The following GSTM4 variants were observed in gnomAD, a reference collection of about 807,000 sequenced individuals.
GSTM4 encodes glutathione S-transferase mu 4.
GSTM4 carries 27 observed loss-of-function variants against 30.1 expected under a neutral mutation model. The observed-to-expected ratio is 0.90, with a 90% confidence interval of 0.66 to 1.24. The LOEUF (loss-of-function observed/expected upper bound fraction) is 1.24. GSTM4 is among the 50% of genes most tolerant of loss of function. The pLI, the probability that GSTM4 is intolerant of heterozygous loss-of-function variation, is 0.00. For missense variants in GSTM4, 238 were observed against 272.1 expected (o/e 0.87, Z 0.88); for synonymous variants, 94 against 96.2 (o/e 0.98, Z 0.13).
rs1425747297 is a variant in GSTM4 at position 109,657,622 on chromosome 1, C to T, written c.210C>T (p.Ile70=). Residue 70 remains isoleucine (I), a synonymous_variant, in exon 4 of 8, where the codon ATC becomes ATT. Transcript: ENST00000369836. ...LPYLIDGAHK[I]TQSNAILCYI... Reference sequence around the variant, plus strand: ...ACTTGATTGATGGGGCTCACAAGATCACCCAGAGCAACGCCATCCTGTGCT... The same window carrying T: ...ACTTGATTGATGGGGCTCACAAGATTACCCAGAGCAACGCCATCCTGTGCT... 9.9e-6 allele frequency: 16 copies of T among 1,614,138 alleles called. No individual in the cohort carries two copies. The highest frequency in any genetic ancestry group is 1.4e-5 in the Non-Finnish European group (16 of 1,180,056).
chr1:109,661,508 C>A lies in GSTM4; in HGVS notation c.*254C>A. On this transcript the variant is annotated 3_prime_UTR_variant, in exon 8 of 8. Transcript: ENST00000369836. ...CCTCCCAACACTACCCTTCCCTGCA[C>A]TAAAGCCAGCCTGACCTTCCTTCCT... is the stretch of plus-strand genomic sequence containing the variant. The A allele has an allele frequency of 1.5e-6, 2 of 1,357,022 alleles. No homozygotes were observed. Among genetic ancestry groups the A allele is most frequent in the Non-Finnish European group, 1.9e-6 (2 of 1,048,502 alleles). The allele number at this position is 1,357,022 out of a possible 1,614,324, so 84.1% of individuals were successfully genotyped here.
chr1:109,657,503 G>T lies in GSTM4; in HGVS notation c.178-87G>T, dbSNP rs1429627833. ...CCATGAGCGGGCACAGTGAGTGCCT[G>T]GTCTCCCCTCTGCCCTTGCATATGG... On this transcript the variant is annotated intron_variant, in intron 3 of 7. Transcript: ENST00000369836. The T allele has an allele frequency of 4.4e-6, 7 of 1,581,164 alleles. No homozygotes were observed. In the South Asian group the frequency reaches 7.7e-5, roughly 17 times the overall value.
downstream of GSTM4, among the ~76,000 whole-genome samples, chr1:109,665,803 G>C (rs889949603): frequency 9.2e-5 from 14 of 152,152 alleles, no homozygotes; most frequent in Non-Finnish European, 1.8e-4. Flanking sequence ...AGACTCCAAA[G>C]ATGAAAACAT....
In GSTM4 at chr1:109,661,196, C is replaced by T. The variant is rs1340627737; in HGVS notation, c.599C>T (p.Ser200Phe). The stretch of plus-strand genomic sequence containing the variant: ...GAGAAGATCTCTGCCTACATGAAGT[C>T]CAGCCGCTTCCTCCCAAAACCTCTG... ...GLEKISAYMK[S>F]SRFLPKPLYT... is the part of the protein sequence containing the mutation. The change falls in exon 8 of 8, where the codon TCC becomes TTC. Residue 200 changes from serine (S) to phenylalanine (F), a missense_variant. Ser to Phe is a radical substitution (Grantham distance 155, BLOSUM62 -2). Transcript: ENST00000369836. The T allele has an allele frequency of 6.2e-7, 1 of 1,611,608 alleles. No individual in the cohort carries two copies. The highest frequency in any genetic ancestry group is 1.4e-5 in the African/African-American group (1 of 73,042).
In GSTM4 at chr1:109,661,338, C is replaced by A; in HGVS notation, c.*84C>A. 1 of 1,599,600 alleles carries A rather than the reference C, an allele frequency of 6.3e-7. No individual in the cohort carries two copies. The highest frequency in any genetic ancestry group is 8.5e-7 in the Non-Finnish European group (1 of 1,172,784). ...GTGCAGCGCAGCTGGACTCTGCATCCCAGCACCTGCCTCCTCGTTCCTTTC... is the reference window on the plus strand; with the variant it reads ...GTGCAGCGCAGCTGGACTCTGCATCACAGCACCTGCCTCCTCGTTCCTTTC... On this transcript the variant is annotated 3_prime_UTR_variant, in exon 8 of 8. Transcript: ENST00000369836.
At chr1:109,665,170 G>A (rs545245350), downstream of GSTM4, 3 of 719,738 alleles carry the variant, frequency 4.2e-6, no homozygotes, top group Non-Finnish European at 7.7e-6. Context: ...AGCAATGAAG[G>A]AGGCATCCAC....
Position 109,656,906 on chromosome 1 carries a change from C to T in GSTM4, c.112+119C>T, listed in dbSNP as rs1178768315. 2.8e-6 allele frequency: 3 copies of T among 1,059,604 alleles called. No homozygotes were observed. The South Asian group carries it at 3.8e-5, about 13-fold the overall frequency. The allele number at this position is 1,059,604 out of a possible 1,614,324, so 65.6% of individuals were successfully genotyped here. A position where few individuals can be genotyped will look rare whatever the true frequency, so the allele number is the denominator to read the frequency against. ...CCCCTGCTGGAGCTGCAGGCTGTCC[C>T]TTCCCTGAGCCCCGGTGAGGGAGTC... is the stretch of plus-strand genomic sequence containing the variant. On this transcript the variant is annotated intron_variant, in intron 2 of 7. Transcript: ENST00000369836.
chr1:109,656,358 GCCT>G lies in GSTM4; in HGVS notation c.-31_-29del. 1 of 1,612,380 alleles carries G rather than the reference GCCT, an allele frequency of 6.2e-7. No homozygotes were observed. The highest frequency in any genetic ancestry group is 8.5e-7 in the Non-Finnish European group (1 of 1,178,472). ...GAGGTCGCAGTTCAGCCCAGCTGAG[GCCT>G]GTCTGCAGAATCGACACCAACCAGC... On this transcript the variant is annotated 5_prime_UTR_variant, in exon 1 of 8. Coordinates refer to ENST00000369836, the MANE Select transcript of GSTM4 (RefSeq NM_000850.5).
chr1:109,657,493 GTGAGTGCCT>G (rs1652073752), intron 3 of GSTM4, 88 bp from the exon 4 acceptor site: 1 of 1,560,308 alleles, frequency 6.4e-7, no homozygotes, highest in South Asian at 1.1e-5. Flanking sequence ...AGCGGGCACA[GTGAGTGCCT>G]GGTCTCCCCT....
chr1:109,666,522 G>A (rs911488337), downstream of GSTM4, among the ~76,000 whole-genome samples: 6 of 152,144 alleles, frequency 3.9e-5, no homozygotes, highest in Admixed American at 3.9e-4. Flanking sequence ...TGTCCACCTG[G>A]TAGACCATTT....
downstream of GSTM4, chr1:109,665,043 C>T: frequency 6.6e-7 from 1 of 1,511,590 alleles, no homozygotes; most frequent in Non-Finnish European, 9.2e-7. Context: ...GGTCAATTTT[C>T]TGCATCAACT....
chr1:109,662,639 C>T (rs998760535), downstream of GSTM4, among the ~76,000 whole-genome samples: 4 of 152,180 alleles, frequency 2.6e-5, no homozygotes, highest in African/African-American at 9.7e-5. Flanking sequence ...AAATTGCCAA[C>T]AAGCTCATGA....
chr1:109,656,120 C>A lies in GSTM4; in HGVS notation c.-270C>A. ...CCTCCTAGTGCTTCCGGACCTTGCT[C>A]CCTGAACACTCGGAGGTGGCGGTGG... On this transcript the variant is annotated 5_prime_UTR_variant, in exon 1 of 8. Transcript: ENST00000369836. 1 of 461,970 alleles carries A rather than the reference C, an allele frequency of 2.2e-6. No homozygotes were observed. Among genetic ancestry groups the A allele is most frequent in the South Asian group, 2.1e-5 (1 of 48,294 alleles). 28.6% of individuals were successfully genotyped at this position (461,970 alleles called of 1,614,324 possible).
At position 109,658,821 on chromosome 1, in the gene GSTM4, T is replaced by G. The variant is rs1236663206; in HGVS notation, c.368T>G (p.Leu123Arg). ...AGCTGTTTTCTGCCTCAGGAGAAAC[T>G]GAAGCCAGAATACTTGGAGGAACTT... ...RVCYSPDFEK[L>R]KPEYLEELPT... Residue 123 changes from leucine to arginine, a missense_variant, in exon 6 of 8, where the codon CTG (leucine) becomes CGG (arginine). Physicochemically the swap from Leu to Arg is moderately radical, Grantham distance 102. Coordinates refer to ENST00000369836, the MANE Select transcript of GSTM4 (RefSeq NM_000850.5). 6.2e-7 allele frequency: 1 copy of G among 1,612,146 alleles called. No individual in the cohort carries two copies. Among genetic ancestry groups the G allele is most frequent in the Admixed American group, 1.7e-5 (1 of 60,032 alleles).
At chr1:109,659,488 C>G in intron 7 of GSTM4, 2 of 934,708 alleles carry the variant, frequency 2.1e-6, no homozygotes, top group Admixed American at 3.0e-5. Context: ...GCCTGGATTT[C>G]ACAGCCCAGG....
downstream of GSTM4, chr1:109,661,709 A>T (rs902103149): frequency 1.9e-6 from 2 of 1,065,402 alleles, no homozygotes; most frequent in African/African-American, 1.7e-5. Context: ...CATTTGCTAT[A>T]GTCTTGTCTT....
chr1:109,658,872 A>AAG lies in GSTM4; in HGVS notation c.419_420insAG (p.Phe141GlyfsTer17), dbSNP rs1226079043. On this transcript the variant is annotated frameshift_variant, in exon 6 of 8. Coordinates refer to ENST00000369836, the MANE Select transcript of GSTM4 (RefSeq NM_000850.5). LOFTEE classifies it high-confidence loss of function. ...CCTACAATGATGCAGCACTTCTCACAGTTCCTGGGGAAGAGGCCATGGTTT... is the reference window on the plus strand; with the variant it reads ...CCTACAATGATGCAGCACTTCTCACAAGGTTCCTGGGGAAGAGGCCATGGTTT... The AAG allele has an allele frequency of 1.2e-6, 2 of 1,614,152 alleles. No homozygotes were observed. Among genetic ancestry groups the AAG allele is most frequent in the East Asian group, 4.5e-5 (2 of 44,890 alleles).
At chr1:109,658,281 T>C in intron 5 of GSTM4, 1 of 235,844 alleles carries the variant, frequency 4.2e-6, no homozygotes, top group South Asian at 7.0e-5. Context: ...CTTTTCCTAG[T>C]GCTTCTCCTT....
downstream of GSTM4, among the ~76,000 whole-genome samples, chr1:109,663,643 G>T (rs570275830): frequency 1.3e-5 from 2 of 152,018 alleles, no homozygotes; most frequent in African/African-American, 4.8e-5. Context: ...CTCCAGCCTG[G>T]GCGACAGAGC....
Sources: allele counts gnomAD v4.1 joint callset (sites outside exome capture counted in the v4.1 genomes callset), GRCh38; gene constraint gnomAD v4.1.1; transcripts MANE v1.5; gene names NCBI Gene and HGNC (gene_info 2026-07-23, HGNC 2026-07-21).